Variants in USP17L4 observed in about 807,000 individuals in gnomAD.
USP17L4 encodes the protein inactive ubiquitin carboxyl-terminal hydrolase 17-like protein 4.
Under a neutral mutation model 20.2 loss-of-function variants are expected in USP17L4, and 16 were observed. The ratio of observed to expected loss-of-function variants is 0.79; its 90% CI spans 0.54 to 1.20. The LOEUF (loss-of-function observed/expected upper bound fraction) is 1.20. Among genes scored for constraint, USP17L4 ranks in the 50% most tolerant of loss-of-function variants. USP17L4 has a pLI of 0.00. For synonymous variants in USP17L4, 92 were observed against 122.5 expected, an observed-to-expected ratio of 0.75 and a Z score of 1.65; for missense variants, 211 against 316.9, an observed-to-expected ratio of 0.67 and a Z score of 2.54.
At chr8:7,338,177 ACTGT>A in the USP17L4 span, 1 of 1,517,958 alleles carries the variant, frequency 6.6e-7, no homozygotes. Flanking sequence ...TGCCGAGGTC[ACTGT>A]CTGTAGCATC....
rs1804674478 is a variant in USP17L4 at position 7,338,289 on chromosome 8, G to T, written c.1175G>T (p.Arg392Ile). ...SESVSRGREP[R>I]ALGAEDTDRP... The stretch of plus-strand genomic sequence containing the variant: ...AGTGTGTCAAGAGGCAGGGAACCAA[G>T]AGCCCTTGGCGCTGAAGACACAGAC... Residue 392 changes from arginine (R) to isoleucine (I), a missense_variant, in exon 1 of 1, where the codon AGA becomes ATA. Around this residue, in one of 5 missense-constraint regions of USP17L4, gnomAD observed 140 missense variants for 167.6 expected, o/e 0.84. Transcript: ENST00000526929. 1 of 1,312,184 alleles carries T rather than the reference G, an allele frequency of 7.6e-7. No homozygotes were observed. The highest frequency in any genetic ancestry group is 1.0e-6 in the Non-Finnish European group (1 of 955,410). 81.3% of individuals were successfully genotyped at this position (1,312,184 alleles called of 1,614,324 possible).
Position 7,337,160 on chromosome 8 carries a change from C to G in USP17L4, c.46C>G (p.His16Asp). 1 of 585,938 alleles carries G rather than the reference C, an allele frequency of 1.7e-6. No individual in the cohort carries two copies. Among genetic ancestry groups the G allele is most frequent in the Non-Finnish European group, 2.9e-6 (1 of 349,010 alleles). 36.3% of individuals were successfully genotyped at this position (585,938 alleles called of 1,614,324 possible). Residue 16 changes from histidine to aspartate, a missense_variant, in exon 1 of 1, where the codon CAC becomes GAC. His to Asp is a moderately conservative substitution (Grantham distance 81). This residue lies in a region of USP17L4 where 56 missense variants were observed against 46.3 expected (regional missense o/e 1.21). Transcript: ENST00000526929. ...CTTGGGAGGTGAGTGGCAGTTCAAC[C>G]ACTTTTCAAAACTCACATCTTCTCG... is the stretch of plus-strand genomic sequence containing the variant. ...LYLGGEWQFN[H>D]FSKLTSSRPD...
Position 7,337,120 on chromosome 8 carries a change from G to A in USP17L4, c.6G>A (p.Gly2=), listed in dbSNP as rs1804591374. The change falls in exon 1 of 1, where the codon GGG becomes GGA. Residue 2 remains glycine (G), a synonymous_variant. Transcript: ENST00000526929. The part of the protein sequence containing the change: M[G]DDSLYLGGEW... ...TGATCCTTGTTGCGGGCGACATGGG[G>A]GACGACTCACTCTACTTGGGAGGTG... The A allele has an allele frequency of 1.6e-6, 1 of 611,132 alleles. No individual in the cohort carries two copies. The highest frequency in any genetic ancestry group is 4.1e-5 in the African/African-American group (1 of 24,108). The allele number at this position is 611,132 out of a possible 1,614,324, so 37.9% of individuals were successfully genotyped here. A position where few individuals can be genotyped will look rare whatever the true frequency, so the allele number is the denominator to read the frequency against.
chr8:7,338,119 C>T lies in USP17L4; in HGVS notation c.1005C>T (p.Tyr335=), dbSNP rs1377908893. ...GGTGGAGTTGTCACGACGGATATTACTTCTCTTATGTCAAAGCTCAAGAAG... is the reference window on the plus strand; with the variant it reads ...GGTGGAGTTGTCACGACGGATATTATTTCTCTTATGTCAAAGCTCAAGAAG... The part of the protein sequence containing the change: ...HAGWSCHDGY[Y]FSYVKAQEGQ... The change falls in exon 1 of 1, where the codon TAC becomes TAT. Residue 335 remains tyrosine, a synonymous_variant. Transcript: ENST00000526929. 3.2e-6 allele frequency: 5 copies of T among 1,570,372 alleles called. 1 individual carries two copies. Among genetic ancestry groups the T allele is most frequent in the Non-Finnish European group, 4.3e-6 (5 of 1,170,680 alleles).
chr8:7,338,141 G>C lies in USP17L4; in HGVS notation c.1027G>C (p.Glu343Gln), dbSNP rs531284839. ...GYYFSYVKAQ[E>Q]GQWYKMDDAE... ...TTACTTCTCTTATGTCAAAGCTCAA[G>C]AAGGCCAGTGGTATAAAATGGATGA... The change falls in exon 1 of 1, where the codon GAA becomes CAA. Residue 343 changes from glutamate to glutamine, a missense_variant. By Grantham distance (29) the Glu-to-Gln change is conservative. Transcript: ENST00000526929. 2 of 1,563,726 alleles carry C rather than the reference G, an allele frequency of 1.3e-6. No homozygotes were observed. Among genetic ancestry groups the C allele is most frequent in the East Asian group, 4.5e-5 (2 of 44,326 alleles).
chr8:7,338,196 C>T lies in USP17L4; in HGVS notation c.1082C>T (p.Ser361Phe). Reference sequence around the variant, plus strand: ...GAGGTCACTGTCTGTAGCATCACTTCTGTCCTGAGTCAACAGGCCTATGTC... The same window carrying T: ...GAGGTCACTGTCTGTAGCATCACTTTTGTCCTGAGTCAACAGGCCTATGTC... ...DAEVTVCSITSVLSQQAYVLF... is the reference protein window; with the variant it reads ...DAEVTVCSITFVLSQQAYVLF... The change falls in exon 1 of 1, where the codon TCT becomes TTT. Residue 361 changes from serine (S) to phenylalanine (F), a missense_variant. Ser to Phe is a radical substitution (Grantham distance 155). Around this residue, in one of 5 missense-constraint regions of USP17L4, gnomAD observed 140 missense variants for 167.6 expected, o/e 0.84. Coordinates refer to ENST00000526929, the MANE Select transcript of USP17L4 (RefSeq NM_001256874.1). 6.7e-7 allele frequency: 1 copy of T among 1,493,316 alleles called. No homozygotes were observed. Among genetic ancestry groups the T allele is most frequent in the Non-Finnish European group, 9.0e-7 (1 of 1,105,038 alleles). The allele number at this position is 1,493,316 out of a possible 1,614,324, so 92.5% of individuals were successfully genotyped here. A position where few individuals can be genotyped will look rare whatever the true frequency, so the allele number is the denominator to read the frequency against.
chr8:7,338,062 C>G lies in USP17L4; in HGVS notation c.948C>G (p.Val316=). Residue 316 remains valine (V), a synonymous_variant, in exon 1 of 1, where the codon GTC becomes GTG. Transcript: ENST00000526929. ...YMSQQNTGPL[V]YVLYAVLVHA... ...CTCAGCAGAACACAGGACCTCTTGT[C>G]TATGTCCTCTATGCTGTGCTGGTCC... The G allele has an allele frequency of 1.3e-6, 2 of 1,499,706 alleles. No individual in the cohort carries two copies. The highest frequency in any genetic ancestry group is 1.8e-6 in the Non-Finnish European group (2 of 1,113,528). The allele number at this position is 1,499,706 out of a possible 1,614,324, so 92.9% of individuals were successfully genotyped here.
Position 7,338,336 on chromosome 8 carries a change from C to T in USP17L4, c.1222C>T (p.Leu408Phe). ...DTDRPATQGE[L>F]KRDHPCLQVP... is the part of the protein sequence containing the mutation. ...AGACAGGCCAGCAACGCAAGGAGAG[C>T]TCAAGAGAGACCACCCTTGCCTCCA... Residue 408 changes from leucine to phenylalanine, a missense_variant, in exon 1 of 1, where the codon CTC (leucine) becomes TTC (phenylalanine). Coordinates refer to ENST00000526929, the MANE Select transcript of USP17L4 (RefSeq NM_001256874.1). 8 of 1,149,742 alleles carry T rather than the reference C, an allele frequency of 7.0e-6. No individual in the cohort carries two copies. The highest frequency in any genetic ancestry group is 9.8e-6 in the Non-Finnish European group (8 of 819,122). 71.2% of individuals were successfully genotyped at this position (1,149,742 alleles called of 1,614,324 possible). A position where few individuals can be genotyped will look rare whatever the true frequency, so the allele number is the denominator to read the frequency against.
rs1804699087 is a variant in USP17L4 at position 7,338,511 on chromosome 8, T to C, written c.1397T>C (p.Ile466Thr). Residue 466 changes from isoleucine (I) to threonine (T), a missense_variant, in exon 1 of 1, where the codon ATT becomes ACT. By Grantham distance (89) the Ile-to-Thr change is moderately conservative. Coordinates refer to ENST00000526929, the MANE Select transcript of USP17L4 (RefSeq NM_001256874.1). ...EGTLPPNVLV[I>T]HQSKYKCGMK... ...ACCCTGCCTCCCAACGTACTTGTGA[T>C]TCATCAATCAAAATACAAGTGTGGG... 1 of 544,060 alleles carries C rather than the reference T, an allele frequency of 1.8e-6. No individual in the cohort carries two copies. Among genetic ancestry groups the C allele is most frequent in the South Asian group, 2.1e-5 (1 of 48,192 alleles). The allele number at this position is 544,060 out of a possible 1,614,324, so 33.7% of individuals were successfully genotyped here.
Position 7,338,560 on chromosome 8 carries a change from G to A in USP17L4, c.1446G>A (p.Gln482=). Residue 482 remains glutamine, a synonymous_variant, in exon 1 of 1, where the codon CAG becomes CAA. Transcript: ENST00000526929. ...KCGMKNHHPE[Q]QSSLLNLSSM... ...GGATGAAAAACCACCATCCTGAACA[G>A]CAAAGCTCCCTGCTAAACCTCTCTT... The A allele has an allele frequency of 3.6e-6, 2 of 548,002 alleles. No homozygotes were observed. The highest frequency in any genetic ancestry group is 2.0e-5 in the South Asian group (1 of 48,974). 33.9% of individuals were successfully genotyped at this position (548,002 alleles called of 1,614,324 possible). A position where few individuals can be genotyped will look rare whatever the true frequency, so the allele number is the denominator to read the frequency against.
chr8:7,337,535 C>A lies in USP17L4; in HGVS notation c.421C>A (p.His141Asn), dbSNP rs1262832610. Residue 141 changes from histidine (H) to asparagine (N), a missense_variant, in exon 1 of 1, where the codon CAT becomes AAT. Physicochemically the swap from His to Asn is moderately conservative, Grantham distance 68. This residue lies in a region of USP17L4 where 5 missense variants were observed against 22.0 expected (regional missense o/e 0.23). Transcript: ENST00000526929. ...HITWALHSPG[H>N]VIQPSQALAA... ...CACATGGGCCCTCCACAGTCCTGGC[C>A]ATGTCATCCAGCCCTCACAGGCATT... The A allele has an allele frequency of 5.6e-6, 3 of 533,494 alleles. No individual in the cohort carries two copies. The highest frequency in any genetic ancestry group is 6.1e-5 in the Admixed American group (2 of 32,682). 33.0% of individuals were successfully genotyped at this position (533,494 alleles called of 1,614,324 possible).
At position 7,338,135 on chromosome 8, in the gene USP17L4, G is replaced by A. The variant is rs773745124; in HGVS notation, c.1021G>A (p.Ala341Thr). Residue 341 changes from alanine (A) to threonine (T), a missense_variant, in exon 1 of 1, where the codon GCT becomes ACT. Ala to Thr is a moderately conservative substitution (Grantham distance 58). This residue lies in a region of USP17L4 where 140 missense variants were observed against 167.6 expected (regional missense o/e 0.84). Transcript: ENST00000526929. The stretch of plus-strand genomic sequence containing the variant: ...CGGATATTACTTCTCTTATGTCAAA[G>A]CTCAAGAAGGCCAGTGGTATAAAAT... Reference protein sequence around the residue: ...HDGYYFSYVKAQEGQWYKMDD... With the variant: ...HDGYYFSYVKTQEGQWYKMDD... 1.5e-5 allele frequency: 23 copies of A among 1,565,224 alleles called. No homozygotes were observed. Among genetic ancestry groups the A allele is most frequent in the African/African-American group, 2.1e-5 (1 of 46,624 alleles).
In USP17L4 at chr8:7,338,246, T is replaced by G; in HGVS notation, c.1132T>G (p.Trp378Gly). The G allele has an allele frequency of 8.2e-7, 1 of 1,217,502 alleles. No individual in the cohort carries two copies. Among genetic ancestry groups the G allele is most frequent in the Non-Finnish European group, 1.2e-6 (1 of 864,914 alleles). The allele number at this position is 1,217,502 out of a possible 1,614,324, so 75.4% of individuals were successfully genotyped here. A position where few individuals can be genotyped will look rare whatever the true frequency, so the allele number is the denominator to read the frequency against. The stretch of plus-strand genomic sequence containing the variant: ...CCTCTTTTACATCCAGAAGAGTGAA[T>G]GGGAAAGACACAGTGAGAGTGTGTC... The part of the protein sequence containing the change: ...YVLFYIQKSE[W>G]ERHSESVSRG... The change falls in exon 1 of 1, where the codon TGG (tryptophan) becomes GGG (glycine). Residue 378 changes from tryptophan to glycine, a missense_variant. Physicochemically the swap from Trp to Gly is radical, Grantham distance 184 (BLOSUM62 -2). This residue lies in a region of USP17L4 where 140 missense variants were observed against 167.6 expected (regional missense o/e 0.84). Coordinates refer to ENST00000526929, the MANE Select transcript of USP17L4 (RefSeq NM_001256874.1).
At position 7,338,400 on chromosome 8, in the gene USP17L4, C is replaced by G; in HGVS notation, c.1286C>G (p.Thr429Ser). Residue 429 changes from threonine (T) to serine (S), a missense_variant, in exon 1 of 1, where the codon ACT becomes AGT. Physicochemically the swap from Thr to Ser is moderately conservative, Grantham distance 58. Transcript: ENST00000526929. Reference protein sequence around the residue: ...ELDEHLVERATEESTLDHWKF... With the variant: ...ELDEHLVERASEESTLDHWKF... ...GACGAGCACTTGGTGGAAAGAGCCA[C>G]TGAGGAAAGCACCTTAGACCACTGG... 1 of 706,872 alleles carries G rather than the reference C, an allele frequency of 1.4e-6. No homozygotes were observed. The highest frequency in any genetic ancestry group is 2.3e-6 in the Non-Finnish European group (1 of 427,262). 43.8% of individuals were successfully genotyped at this position (706,872 alleles called of 1,614,324 possible). A position where few individuals can be genotyped will look rare whatever the true frequency, so the allele number is the denominator to read the frequency against.
chr8:7,337,176 CA>C, the USP17L4 span: 1 of 563,876 alleles, frequency 1.8e-6, no homozygotes, highest in Non-Finnish European at 3.0e-6. Context: ...TCAAAACTCA[CA>C]TCTTCTCGGC....
In USP17L4 at chr8:7,338,293, C is replaced by T; in HGVS notation, c.1179C>T (p.Ala393=). ...ESVSRGREPR[A]LGAEDTDRPA... The stretch of plus-strand genomic sequence containing the variant: ...TGTCAAGAGGCAGGGAACCAAGAGC[C>T]CTTGGCGCTGAAGACACAGACAGGC... The change falls in exon 1 of 1, where the codon GCC becomes GCT. Residue 393 remains alanine, a synonymous_variant. Coordinates refer to ENST00000526929, the MANE Select transcript of USP17L4 (RefSeq NM_001256874.1). 5.3e-6 allele frequency: 7 copies of T among 1,320,916 alleles called. 1 individual carries two copies. The South Asian group carries it at 8.5e-5, about 16-fold the overall frequency. 81.8% of individuals were successfully genotyped at this position (1,320,916 alleles called of 1,614,324 possible).
Position 7,338,420 on chromosome 8 carries a change from C to A in USP17L4, c.1306C>A (p.His436Asn). The change falls in exon 1 of 1, where the codon CAC becomes AAC. Residue 436 changes from histidine (H) to asparagine (N), a missense_variant. By Grantham distance (68) the His-to-Asn change is moderately conservative (BLOSUM62 1). Transcript: ENST00000526929. The stretch of plus-strand genomic sequence containing the variant: ...AGCCACTGAGGAAAGCACCTTAGAC[C>A]ACTGGAAATTCCCCCAAGAGCAAAA... The part of the protein sequence containing the change: ...ERATEESTLD[H>N]WKFPQEQNKM... The A allele has an allele frequency of 1.6e-6, 1 of 643,784 alleles. No individual in the cohort carries two copies. Among genetic ancestry groups the A allele is most frequent in the Non-Finnish European group, 2.6e-6 (1 of 388,682 alleles). The allele number at this position is 643,784 out of a possible 1,614,324, so 39.9% of individuals were successfully genotyped here. A position where few individuals can be genotyped will look rare whatever the true frequency, so the allele number is the denominator to read the frequency against.
At position 7,338,492 on chromosome 8, in the gene USP17L4, C is replaced by T. The variant is rs1425456621; in HGVS notation, c.1378C>T (p.Pro460Ser). ...CGTCAGAAAAGTTGAAGGTACCCTG[C>T]CTCCCAACGTACTTGTGATTCATCA... ...FNVRKVEGTL[P>S]PNVLVIHQSK... Residue 460 changes from proline (P) to serine (S), a missense_variant, in exon 1 of 1, where the codon CCT becomes TCT. Pro to Ser is a moderately conservative substitution (Grantham distance 74, BLOSUM62 -1). Coordinates refer to ENST00000526929, the MANE Select transcript of USP17L4 (RefSeq NM_001256874.1). The T allele has an allele frequency of 7.3e-6, 4 of 551,030 alleles. No homozygotes were observed. The highest frequency in any genetic ancestry group is 2.1e-5 in the South Asian group (1 of 48,748). 34.1% of individuals were successfully genotyped at this position (551,030 alleles called of 1,614,324 possible).
chr8:7,338,422 C>G lies in USP17L4; in HGVS notation c.1308C>G (p.His436Gln). ...ERATEESTLD[H>Q]WKFPQEQNKM... is the part of the protein sequence containing the mutation. ...CCACTGAGGAAAGCACCTTAGACCA[C>G]TGGAAATTCCCCCAAGAGCAAAACA... Residue 436 changes from histidine to glutamine, a missense_variant, in exon 1 of 1, where the codon CAC becomes CAG. By Grantham distance (24) the His-to-Gln change is conservative (BLOSUM62 0). Transcript: ENST00000526929. 2 of 637,776 alleles carry G rather than the reference C, an allele frequency of 3.1e-6. No homozygotes were observed. The highest frequency in any genetic ancestry group is 3.5e-5 in the South Asian group (2 of 57,500). 39.5% of individuals were successfully genotyped at this position (637,776 alleles called of 1,614,324 possible). A position where few individuals can be genotyped will look rare whatever the true frequency, so the allele number is the denominator to read the frequency against.
Sources: allele counts gnomAD v4.1 joint callset, GRCh38; gene constraint gnomAD v4.1.1; regional missense constraint gnomAD v4.1.1; transcripts MANE v1.5; gene names NCBI Gene and HGNC (gene_info 2026-07-23, HGNC 2026-07-21).